The following PITPNC1 variants were observed in gnomAD, a reference collection of about 807,000 sequenced individuals.
PITPNC1 encodes the protein phosphatidylinositol transfer protein cytoplasmic 1.
A neutral mutation model predicts 44.7 loss-of-function variants in PITPNC1; 18 were observed. The ratio of observed to expected loss-of-function variants is 0.40; its 90% confidence interval spans 0.28 to 0.60. The LOEUF (loss-of-function observed/expected upper bound fraction) is 0.60, where lower values mean the gene tolerates loss of function less well. Among genes scored for constraint, PITPNC1 ranks in the 20% least tolerant of loss-of-function variants. The pLI is 0.39. For missense variants in PITPNC1, 290 were observed against 418.4 expected (o/e 0.69, Z 2.68); for synonymous variants, 141 against 149.6 (o/e 0.94, Z 0.42).
chr17:67,410,908 C>T (rs535793653), intron 1 of PITPNC1, among the ~76,000 whole-genome samples: 1 of 151,796 alleles, frequency 6.6e-6, no homozygotes, highest in East Asian at 2.0e-4. Context: ...GTTGGTGAAA[C>T]CCCGTCTCTA....
intron 5 of PITPNC1, among the ~76,000 whole-genome samples, chr17:67,631,634 C>A (rs2952457): frequency 0.19 from 2,915 of 15,394 alleles, 970 homozygotes; most frequent in Non-Finnish European, 0.26. Flanking sequence ...GTCTCAAAAA[C>A]CAAAAAAAAA....
chr17:67,549,503 C>T (rs1420160361), intron 2 of PITPNC1, among the ~76,000 whole-genome samples: 1 of 152,172 alleles, frequency 6.6e-6, no homozygotes, highest in Non-Finnish European at 1.5e-5. Flanking sequence ...GTGGCTGAAA[C>T]AGCTAAAATA....
intron 1 of PITPNC1, among the ~76,000 whole-genome samples, chr17:67,472,240 C>A (rs1387378559): frequency 6.9e-6 from 1 of 145,914 alleles, no homozygotes; most frequent in Non-Finnish European, 1.5e-5. Context: ...CCAGGGGTGT[C>A]CAATCTTTTG....
chr17:67,382,452 A>G (rs941665493), intron 1 of PITPNC1, among the ~76,000 whole-genome samples: 7 of 152,236 alleles, frequency 4.6e-5, no homozygotes, highest in African/African-American at 1.7e-4. Context: ...TTTCATTGGA[A>G]TAGTCCCTCG....
intron 1 of PITPNC1, among the ~76,000 whole-genome samples, chr17:67,462,393 A>G (rs867297477): frequency 1.3e-4 from 19 of 151,386 alleles, no homozygotes; most frequent in Middle Eastern, 3.2e-3. Flanking sequence ...CACCATGTCC[A>G]GCTAATTGTT....
rs368197185 is a variant in PITPNC1, at chr17:67,465,374, A to G, written c.49-67428A>G. 3.5e-4 allele frequency among the ~76,000 whole-genome samples: 54 copies of G among 152,274 alleles called. No individual in the cohort carries two copies. The South Asian group carries it at 0.011, about 32-fold the overall frequency. On this transcript the variant is annotated intron_variant, in intron 1 of 8. Transcript: ENST00000581322. ...GGAAAGTCTTGAAATGCACTAAGGA[A>G]ATACAGTCTGTGCCGTGATGGTAGC...
intron 5 of PITPNC1, among the ~76,000 whole-genome samples, chr17:67,605,512 C>T (rs2041597041): frequency 6.6e-6 from 1 of 152,216 alleles, no homozygotes; most frequent in African/African-American, 2.4e-5. Context: ...TCCTGAAAAC[C>T]TCCCGACCTT....
chr17:67,453,443 G>T (rs2039212051), intron 1 of PITPNC1, among the ~76,000 whole-genome samples: 3 of 152,158 alleles, frequency 2.0e-5, no homozygotes, highest in African/African-American at 7.2e-5. Context: ...GAGAGAACCA[G>T]CTGGGTTATT....
chr17:67,547,547 G>T (rs542136618), intron 2 of PITPNC1, among the ~76,000 whole-genome samples: 2 of 152,192 alleles, frequency 1.3e-5, no homozygotes, highest in Admixed American at 1.3e-4. Flanking sequence ...AAAATTTCTA[G>T]TTAAGACCAC....
intron 1 of PITPNC1, among the ~76,000 whole-genome samples, chr17:67,416,868 A>C (rs375385501): frequency 1.3e-5 from 2 of 151,896 alleles, no homozygotes; most frequent in South Asian, 4.1e-4. Flanking sequence ...GCTGGAGTGC[A>C]ATGGCACAAT....
intron 6 of PITPNC1, among the ~76,000 whole-genome samples, chr17:67,636,189 T>G (rs2042030077): frequency 6.7e-6 from 1 of 148,806 alleles, no homozygotes; most frequent in Non-Finnish European, 1.5e-5. Context: ...TTCCATCTAC[T>G]CGTGAGGCTG....
At chr17:67,626,923 T>A (rs1199267664) in intron 5 of PITPNC1, among the ~76,000 whole-genome samples, 11 of 152,198 alleles carry the variant, frequency 7.2e-5, no homozygotes, top group African/African-American at 2.4e-4. Context: ...CTCCAGGCAC[T>A]TATTGAGCAC....
intron 1 of PITPNC1, among the ~76,000 whole-genome samples, chr17:67,391,289 G>T (rs8070689): frequency 0.26 from 39,063 of 151,458 alleles, 5,307 homozygotes; most frequent in African/African-American, 0.34. Context: ...TAATAATGTT[G>T]TTTAAGTACC....
At chr17:67,625,710 G>A (rs1180740174) in intron 5 of PITPNC1, among the ~76,000 whole-genome samples, 3 of 152,082 alleles carry the variant, frequency 2.0e-5, no homozygotes, top group Non-Finnish European at 4.4e-5. Flanking sequence ...GGGATGATAG[G>A]ACAGAGAAGG....
At chr17:67,509,663 G>C (rs1286005678) in intron 1 of PITPNC1, among the ~76,000 whole-genome samples, 1 of 152,094 alleles carries the variant, frequency 6.6e-6, no homozygotes, top group Non-Finnish European at 1.5e-5. Context: ...GGTCCCCTCT[G>C]ATCAGAAGAA....
intron 2 of PITPNC1, 36 bp downstream of exon 2, chr17:67,532,986 C>A: frequency 6.4e-7 from 1 of 1,569,006 alleles, no homozygotes; most frequent in Admixed American, 1.8e-5. Flanking sequence ...CACAGAAGCC[C>A]CCTCCCACCT....
intron 1 of PITPNC1, among the ~76,000 whole-genome samples, chr17:67,414,575 A>G (rs1051064469): frequency 6.6e-6 from 1 of 152,172 alleles, no homozygotes; most frequent in African/African-American, 2.4e-5. Flanking sequence ...ATAAGGTTTT[A>G]TTGGAACACG....
intron 8 of PITPNC1, chr17:67,687,212 C>A: frequency 1.7e-6 from 2 of 1,200,326 alleles, no homozygotes; most frequent in East Asian, 2.3e-5. Context: ...AACATGTTGC[C>A]CACCCTTTCA....
chr17:67,684,437 GT>G (rs113320295), intron 8 of PITPNC1, among the ~76,000 whole-genome samples: 3,153 of 146,894 alleles, frequency 0.021, 45 homozygotes, highest in East Asian at 0.038. Flanking sequence ...CTTAAATAAT[GT>G]TTTTTTTTTT....
Sources: allele counts gnomAD v4.1 joint callset (sites outside exome capture counted in the v4.1 genomes callset), GRCh38; gene constraint gnomAD v4.1.1; transcripts MANE v1.5; gene names NCBI Gene and HGNC (gene_info 2026-07-23, HGNC 2026-07-21).